The following ANKRD26 variants were observed in gnomAD, a reference collection of about 807,000 sequenced individuals.
The protein encoded by ANKRD26 is ankyrin repeat domain-containing protein 26.
ANKRD26 carries 141 observed loss-of-function variants against 208.7 expected under a neutral mutation model. The observed-to-expected ratio is 0.68, with a 90% confidence interval of 0.59 to 0.78. The LOEUF (loss-of-function observed/expected upper bound fraction) is 0.78. Among genes scored for constraint, ANKRD26 ranks in the 30% least tolerant of loss-of-function variants. The pLI is 0.00. For synonymous variants in ANKRD26, 636 were observed against 660.4 expected (o/e 0.96, Z 0.57); for missense variants, 1,889 against 1,938.7 (o/e 0.97, Z 0.48).
intron 6 of ANKRD26, chr10:27,080,721 G>T: frequency 2.0e-6 from 2 of 985,440 alleles, no homozygotes; most frequent in Non-Finnish European, 2.4e-6. Context: ...ACAAATTCCT[G>T]AAAGGATGGT....
chr10:27,065,106 C>G (rs914052734), intron 11 of ANKRD26, among the ~76,000 whole-genome samples: 4 of 152,162 alleles, frequency 2.6e-5, no homozygotes, highest in Non-Finnish European at 5.9e-5. Context: ...AGTTGGCAAT[C>G]TAAGGTCACA....
chr10:27,063,907 G>T, intron 12 of ANKRD26, 81 bp downstream of exon 12: 1 of 1,146,654 alleles, frequency 8.7e-7, no homozygotes, highest in South Asian at 1.3e-5. Context: ...ATTTTCTTCG[G>T]CTATTAGAAT....
Position 27,100,253 on chromosome 10 carries a change from C to G in ANKRD26, c.74G>C (p.Gly25Ala), listed in dbSNP as rs1481143080. ...SFARRQRSSA[G>A]GGGEPGEGAY... ...GCCCTCCCCCGGCTCGCCCCCGCCT[C>G]CCGCGCTGCTCCTCTGCCGCCGCGC... The change falls in exon 1 of 34, where the codon GGA (glycine) becomes GCA (alanine). Residue 25 changes from glycine to alanine, a missense_variant. Coordinates refer to ENST00000376087, the MANE Select transcript of ANKRD26 (RefSeq NM_014915.3). 6.2e-7 allele frequency: 1 copy of G among 1,611,514 alleles called. No homozygotes were observed. Among genetic ancestry groups the G allele is most frequent in the South Asian group, 1.1e-5 (1 of 91,020 alleles).
the ANKRD26 span, among the ~76,000 whole-genome samples, chr10:26,951,357 G>T: frequency 7.2e-5 from 11 of 151,986 alleles, no homozygotes; most frequent in African/African-American, 2.7e-4. Flanking sequence ...TTAAATCATG[G>T]TTATTGAAAT....
chr10:27,022,785 A>C (rs1417710045), intron 28 of ANKRD26, 98 bp from the exon 29 acceptor site: 3 of 1,125,442 alleles, frequency 2.7e-6, no homozygotes, highest in Non-Finnish European at 3.8e-6. Context: ...AAGAAAAACA[A>C]ATGAATCATG....
intron 23 of ANKRD26, among the ~76,000 whole-genome samples, 162 bp from the exon 24 acceptor site, chr10:27,035,914 G>C (rs980468364): frequency 1.0e-4 from 15 of 150,372 alleles, no homozygotes; most frequent in African/African-American, 2.7e-4. Flanking sequence ...AAACCGTATA[G>C]AGCATAAACT....
rs143140896 is a variant in ANKRD26, at chr10:27,053,176, C to A, written c.1635+144G>T. On this transcript the variant is annotated intron_variant, in intron 16 of 33. Transcript: ENST00000376087. The stretch of plus-strand genomic sequence containing the variant: ...ACATTCTAAGAACATTTTAACTAGT[C>A]AAAACGTTTTTAATACTAAATATTA... The A allele has an allele frequency of 1.6e-3, 973 of 598,228 alleles. 6 individuals carry two copies. Among genetic ancestry groups the A allele is most frequent in the African/African-American group, 0.016 (868 of 53,632 alleles). 37.1% of individuals were successfully genotyped at this position (598,228 alleles called of 1,614,324 possible). A position where few individuals can be genotyped will look rare whatever the true frequency, so the allele number is the denominator to read the frequency against.
At chr10:27,050,244 A>AAAAAAG (rs2054605396) in intron 16 of ANKRD26, among the ~76,000 whole-genome samples, 6 of 134,286 alleles carry the variant, frequency 4.5e-5, no homozygotes, top group African/African-American at 2.2e-4. Flanking sequence ...AAAAAAAAAA[A>AAAAAAG]AAAGAAAGAA....
At chr10:27,085,421 C>T (rs1294596965) in intron 5 of ANKRD26, among the ~76,000 whole-genome samples, 1 of 152,010 alleles carries the variant, frequency 6.6e-6, no homozygotes, top group Non-Finnish European at 1.5e-5. Context: ...CTTGTTCTAA[C>T]GAAGTAAATG....
rs1466460834 is a variant in ANKRD26 at position 27,017,859 on chromosome 10, C to G, written c.4216-67G>C. ...GCCTGAGAATAGCCTAACATAAAACCAAGAACAAATTTTGAAATAAATTCA... is the reference window on the plus strand; with the variant it reads ...GCCTGAGAATAGCCTAACATAAAACGAAGAACAAATTTTGAAATAAATTCA... On this transcript the variant is annotated intron_variant, in intron 29 of 33. Transcript: ENST00000376087. 214 of 1,450,152 alleles carry G rather than the reference C, an allele frequency of 1.5e-4. 4 individuals are homozygous for G. The South Asian group carries it at 2.5e-3, about 17-fold the overall frequency. The allele number at this position is 1,450,152 out of a possible 1,614,324, so 89.8% of individuals were successfully genotyped here.
chr10:27,079,081 C>T lies in ANKRD26; in HGVS notation c.813+8G>A, dbSNP rs751282786. 19 of 1,607,188 alleles carry T rather than the reference C, an allele frequency of 1.2e-5. No individual in the cohort carries two copies. In the South Asian group the frequency reaches 2.1e-4, roughly 18 times the overall value. ...TAAGAAAATTAAGTTCATGAGAGAG[C>T]ACTTTACCTTAGTATCAAAATTGAG... On this transcript the variant is annotated splice_region_variant and intron_variant, in intron 7 of 33. Transcript: ENST00000376087.
intron 5 of ANKRD26, 29 bp downstream of exon 5, chr10:27,086,510 C>G (rs1432065409): frequency 6.2e-7 from 1 of 1,601,368 alleles, no homozygotes; most frequent in Non-Finnish European, 8.5e-7. Flanking sequence ...GTACTATTAC[C>G]AAGAGAAATT....
chr10:27,006,029 A>G (rs1589196636), intron 33 of ANKRD26, among the ~76,000 whole-genome samples: 1 of 152,204 alleles, frequency 6.6e-6, no homozygotes, highest in South Asian at 2.1e-4. Context: ...TCTAACAAAC[A>G]TATGCTATAA....
chr10:26,982,710 C>T (rs554835561), exon 4 of ANKRD26, among the ~76,000 whole-genome samples: 1 of 152,262 alleles, frequency 6.6e-6, no homozygotes, highest in South Asian at 2.1e-4. Context: ...TTGGTTCAGG[C>T]TATGCTACTG....
chr10:27,062,986 T>C (rs749753519), intron 12 of ANKRD26, among the ~76,000 whole-genome samples: 1 of 152,160 alleles, frequency 6.6e-6, no homozygotes, highest in Non-Finnish European at 1.5e-5. Flanking sequence ...CAGGCTGATC[T>C]CGAACTCCTG....
At chr10:26,976,777 T>A (rs2052233889) in intron 5 of ANKRD26, among the ~76,000 whole-genome samples, 1 of 152,206 alleles carries the variant, frequency 6.6e-6, no homozygotes, top group African/African-American at 2.4e-5. Context: ...ATGGGCTTCA[T>A]GTGCATGTTC....
At chr10:27,002,050 TA>T, downstream of ANKRD26, among the ~76,000 whole-genome samples, 1 of 152,120 alleles carries the variant, frequency 6.6e-6, no homozygotes, top group East Asian at 1.9e-4. Flanking sequence ...GAGGCAACCA[TA>T]CGGGGGAAAG....
At chr10:26,953,274 T>G in the ANKRD26 span, among the ~76,000 whole-genome samples, 14 of 152,076 alleles carry the variant, frequency 9.2e-5, no homozygotes, top group Admixed American at 6.6e-4. Context: ...AAAAATAAAA[T>G]TAGCCAGGCG....
At chr10:26,959,579 A>C in the ANKRD26 span, among the ~76,000 whole-genome samples, 1 of 152,186 alleles carries the variant, frequency 6.6e-6, no homozygotes, top group South Asian at 2.1e-4. Context: ...AAAGCAATAT[A>C]AATTATTTGT....
Sources: gnomAD v4.1 joint callset for allele counts (sites outside exome capture counted in the v4.1 genomes callset) on GRCh38, gnomAD v4.1.1 for gene constraint, MANE v1.5 for transcripts, NCBI Gene and HGNC (gene_info 2026-07-23, HGNC 2026-07-21) for gene names.